PCDH9: variants seen among roughly 807,000 people sequenced by gnomAD.
PCDH9 encodes the protein protocadherin-9.
Under a neutral mutation model 70.6 loss-of-function variants are expected in PCDH9, and 24 were observed. The observed-to-expected ratio is 0.34, with a 90% CI of 0.25 to 0.48. The LOEUF is 0.48. Ranked by LOEUF, PCDH9 falls within the 20% of genes least tolerant of loss-of-function variation. The pLI, the probability that PCDH9 is intolerant of heterozygous loss-of-function variation, is 0.99. For synonymous variants in PCDH9, 562 were observed against 558.5 expected, an observed-to-expected ratio of 1.01 and a Z score of -0.09; for missense variants, 1,281 against 1,503.6, an observed-to-expected ratio of 0.85 and a Z score of 2.45.
intron 3 of PCDH9, among the ~76,000 whole-genome samples, chr13:66,842,137 T>G (rs762899281): frequency 1.3e-5 from 2 of 152,174 alleles, no homozygotes; most frequent in Non-Finnish European, 2.9e-5. Context: ...AAATGTAGCT[T>G]CATTTAACTT....
intron 2 of PCDH9, among the ~76,000 whole-genome samples, chr13:66,992,019 A>G (rs1285099864): frequency 6.6e-5 from 10 of 152,254 alleles, no homozygotes; most frequent in Admixed American, 6.5e-4. Flanking sequence ...TGTATTTGAT[A>G]GAATAAATGT....
At chr13:66,448,778 C>A (rs181955867) in intron 4 of PCDH9, among the ~76,000 whole-genome samples, 6 of 152,078 alleles carry the variant, frequency 3.9e-5, no homozygotes, top group Admixed American at 1.3e-4. Context: ...TTGCTGCGTA[C>A]TATTTTTGAA....
chr13:66,990,186 C>T (rs964353433), intron 2 of PCDH9, among the ~76,000 whole-genome samples: 3 of 151,720 alleles, frequency 2.0e-5, no homozygotes, highest in Admixed American at 6.6e-5. Context: ...CTGGATGAAG[C>T]CTAAATAATC....
intron 2 of PCDH9, among the ~76,000 whole-genome samples, chr13:67,093,230 G>A (rs1490748590): frequency 6.6e-6 from 1 of 152,220 alleles, no homozygotes; most frequent in Admixed American, 6.5e-5. Context: ...CAAGGTCAGC[G>A]AATCACCTGA....
chr13:66,311,094 T>C (rs1019110033), intron 4 of PCDH9, among the ~76,000 whole-genome samples: 2 of 152,084 alleles, frequency 1.3e-5, no homozygotes, highest in Non-Finnish European at 2.9e-5. Context: ...AGTGATGTTT[T>C]AAAGAAATTT....
chr13:66,861,990 A>T (rs1169542479), intron 3 of PCDH9, among the ~76,000 whole-genome samples: 1 of 152,188 alleles, frequency 6.6e-6, no homozygotes, highest in Non-Finnish European at 1.5e-5. Context: ...CAAAAGTGAG[A>T]ACAAAATGAG....
At chr13:67,130,241 A>G (rs1410900064) in intron 2 of PCDH9, among the ~76,000 whole-genome samples, 1 of 152,180 alleles carries the variant, frequency 6.6e-6, no homozygotes, top group African/African-American at 2.4e-5. Context: ...GATTATTTCA[A>G]TGTATTTCTG....
At chr13:66,965,598 T>G (rs1048512227) in intron 2 of PCDH9, among the ~76,000 whole-genome samples, 5 of 151,756 alleles carry the variant, frequency 3.3e-5, no homozygotes, top group Admixed American at 2.6e-4. Context: ...TATTAAATTG[T>G]TTTTTTTCCC....
chr13:66,843,135 G>A (rs1293624314), intron 3 of PCDH9, among the ~76,000 whole-genome samples: 1 of 152,192 alleles, frequency 6.6e-6, no homozygotes, highest in Admixed American at 6.5e-5. Context: ...CCTCAGCAAA[G>A]ATAATTCTGA....
intron 2 of PCDH9, among the ~76,000 whole-genome samples, chr13:67,079,967 C>T (rs2085951921): frequency 6.6e-6 from 1 of 152,158 alleles, no homozygotes; most frequent in Admixed American, 6.6e-5. Flanking sequence ...CTCCCCAGCC[C>T]TCTGCTTTGA....
chr13:66,745,091 A>G (rs1222940327), intron 3 of PCDH9, among the ~76,000 whole-genome samples: 2 of 152,192 alleles, frequency 1.3e-5, no homozygotes, highest in African/African-American at 4.8e-5. Flanking sequence ...TCTGAAAAAC[A>G]GAAATAATAG....
intron 3 of PCDH9, among the ~76,000 whole-genome samples, chr13:66,636,361 T>G (rs1324397241): frequency 1.3e-5 from 2 of 152,126 alleles, no homozygotes; most frequent in African/African-American, 4.8e-5. Context: ...AATCTTCTGA[T>G]CTCTTTTCTG....
intron 4 of PCDH9, among the ~76,000 whole-genome samples, chr13:66,489,155 T>G (rs540952412): frequency 6.6e-6 from 1 of 152,298 alleles, no homozygotes; most frequent in Admixed American, 6.5e-5. Context: ...TTTATTTTTT[T>G]GATGTTTGGA....
intron 3 of PCDH9, among the ~76,000 whole-genome samples, chr13:66,838,038 T>G (rs1196164767): frequency 2.0e-5 from 3 of 152,214 alleles, no homozygotes; most frequent in African/African-American, 7.2e-5. Flanking sequence ...ATAAAAAATT[T>G]AAAATGAAAT....
In PCDH9 at chr13:66,766,137, A is replaced by G. The variant is rs140610367; in HGVS notation, c.3139-134726T>C. ...AGCATGGGGAGGTGTTTGGTGATCT[A>G]TATACATGAATATGTATATACATGA... On this transcript the variant is annotated intron_variant, in intron 3 of 4. Coordinates refer to ENST00000377865, the MANE Select transcript of PCDH9 (RefSeq NM_203487.3). 7.3e-3 allele frequency among the ~76,000 whole-genome samples: 1,113 copies of G among 152,132 alleles called. 22 individuals carry two copies. The highest frequency in any genetic ancestry group is 0.025 in the African/African-American group (1,029 of 41,458).
intron 3 of PCDH9, among the ~76,000 whole-genome samples, chr13:66,885,533 G>T (rs897794506): frequency 6.6e-6 from 1 of 152,044 alleles, no homozygotes; most frequent in African/African-American, 2.4e-5. Context: ...TTATATTATA[G>T]AATATTTTTA....
At chr13:66,733,869 A>G (rs1223691202) in intron 3 of PCDH9, among the ~76,000 whole-genome samples, 3 of 152,168 alleles carry the variant, frequency 2.0e-5, no homozygotes, top group Non-Finnish European at 2.9e-5. Flanking sequence ...TAACAATGCA[A>G]TGAAAACAGA....
chr13:67,059,885 GT>G (rs56867131), intron 2 of PCDH9, among the ~76,000 whole-genome samples: 8 of 143,424 alleles, frequency 5.6e-5, no homozygotes, highest in South Asian at 2.2e-4. Context: ...GTTTTTTGTT[GT>G]TTTTTTTTTT....
chr13:66,522,766 G>A (rs1057074846), intron 4 of PCDH9, among the ~76,000 whole-genome samples: 1 of 151,998 alleles, frequency 6.6e-6, no homozygotes, highest in South Asian at 2.1e-4. Flanking sequence ...AAGAGACATG[G>A]AGTGGAATCT....
Sources: gnomAD v4.1 joint callset for allele counts (sites outside exome capture counted in the v4.1 genomes callset) on GRCh38, gnomAD v4.1.1 for gene constraint, MANE v1.5 for transcripts, NCBI Gene and HGNC (gene_info 2026-07-23, HGNC 2026-07-21) for gene names.